PDE3A: variants seen among roughly 807,000 people sequenced by gnomAD.
The protein encoded by PDE3A is cGMP-inhibited 3',5'-cyclic phosphodiesterase 3A.
PDE3A carries 43 observed loss-of-function variants against 98.3 expected under a neutral mutation model. The observed-to-expected ratio is 0.44, with a 90% CI of 0.34 to 0.56. The LOEUF is 0.56. Ranked by LOEUF, PDE3A falls within the 20% of genes least tolerant of loss-of-function variation. The pLI, the probability that PDE3A is intolerant of heterozygous loss-of-function variation, is 0.01. For missense variants in PDE3A, 1,427 were observed against 1,440.7 expected, an observed-to-expected ratio of 0.99 and a Z score of 0.15; for synonymous variants, 663 against 567.9, an observed-to-expected ratio of 1.17 and a Z score of -2.38.
rs149346964 is a variant in PDE3A at position 20,496,632 on chromosome 12, C to T, written c.961-60028C>T. Among the ~76,000 whole-genome samples the T allele has an allele frequency of 1.2e-4, 18 of 152,146 alleles. No individual in the cohort carries two copies. The East Asian group carries it at 1.7e-3, about 15-fold the overall frequency. ...TTGGCTCTTATCAATGAGCTGTCCACGTTCCGTTGTTGGAATTCATCCAAA... is the reference window on the plus strand; with the variant it reads ...TTGGCTCTTATCAATGAGCTGTCCATGTTCCGTTGTTGGAATTCATCCAAA... On this transcript the variant is annotated intron_variant, in intron 1 of 15. Transcript: ENST00000359062.
At chr12:20,566,048 C>T (rs1242253453) in intron 2 of PDE3A, among the ~76,000 whole-genome samples, 2 of 151,864 alleles carry the variant, frequency 1.3e-5, no homozygotes, top group Non-Finnish European at 2.9e-5. Flanking sequence ...ATGTAAACAT[C>T]AGTAAACCCA....
chr12:20,479,349 C>T (rs1042295751), intron 1 of PDE3A, among the ~76,000 whole-genome samples: 3 of 152,146 alleles, frequency 2.0e-5, no homozygotes, highest in South Asian at 2.1e-4. Flanking sequence ...GTGGGTATAA[C>T]GTGATTGTAC....
chr12:20,617,216 C>T (rs190837904), intron 4 of PDE3A, among the ~76,000 whole-genome samples: 2 of 152,076 alleles, frequency 1.3e-5, no homozygotes, highest in African/African-American at 2.4e-5. Context: ...TTCTCCTGAT[C>T]GTTAGCCTGG....
rs1255866292 is a variant in PDE3A, at chr12:20,508,414, TG to T, written c.961-48245del. 5.3e-5 allele frequency among the ~76,000 whole-genome samples: 8 copies of T among 151,696 alleles called. No homozygotes were observed. The East Asian group carries it at 5.8e-4, about 11-fold the overall frequency. ...TTGAGCTCTACAATGTTACCTGGTT[TG>T]TTTTTTTTTTTTAGTTTTGTCCTCT... On this transcript the variant is annotated intron_variant, in intron 1 of 15. Coordinates refer to ENST00000359062, the MANE Select transcript of PDE3A (RefSeq NM_000921.5).
intron 1 of PDE3A, among the ~76,000 whole-genome samples, chr12:20,379,864 C>T (rs905350790): frequency 4.0e-5 from 6 of 151,610 alleles, no homozygotes; most frequent in Non-Finnish European, 8.9e-5. Flanking sequence ...GGTAGGAAAT[C>T]CCATGTTCAG....
At chr12:20,662,462 T>A (rs1399623593) in intron 15 of PDE3A, among the ~76,000 whole-genome samples, 3 of 152,148 alleles carry the variant, frequency 2.0e-5, no homozygotes, top group Non-Finnish European at 4.4e-5. Context: ...TCAAAGGAGA[T>A]CAGTTTTGAA....
chr12:20,522,306 G>A (rs1321542818), intron 1 of PDE3A, among the ~76,000 whole-genome samples: 2 of 152,286 alleles, frequency 1.3e-5, no homozygotes, highest in African/African-American at 4.8e-5. Context: ...ATTAGTATCA[G>A]TGTGCTGGGA....
chr12:20,410,366 G>T (rs1944311828), intron 1 of PDE3A, among the ~76,000 whole-genome samples: 1 of 152,186 alleles, frequency 6.6e-6, no homozygotes, highest in South Asian at 2.1e-4. Context: ...ACATGCAAAA[G>T]CTGTAGGGCT....
chr12:20,382,144 C>G (rs1429217663), intron 1 of PDE3A, among the ~76,000 whole-genome samples: 1 of 151,810 alleles, frequency 6.6e-6, no homozygotes, highest in Non-Finnish European at 1.5e-5. Context: ...CGTTTAAATA[C>G]TAGATTATAG....
At chr12:20,589,883 A>G (rs912276932) in intron 2 of PDE3A, among the ~76,000 whole-genome samples, 6 of 151,760 alleles carry the variant, frequency 4.0e-5, no homozygotes, top group Admixed American at 6.6e-5. Context: ...AAAAAAAAAA[A>G]AAAAAAGAAA....
rs140759925 is a variant in PDE3A at position 20,369,190 on chromosome 12, CGTGT to C, written c.-77_-74del. 0.3 allele frequency: 192,059 copies of C among 649,772 alleles called. 19,981 individuals are homozygous for C. The highest frequency in any genetic ancestry group is 0.47 in the African/African-American group (24,615 of 52,332). 40.3% of individuals were successfully genotyped at this position (649,772 alleles called of 1,614,324 possible). A position where few individuals can be genotyped will look rare whatever the true frequency, so the allele number is the denominator to read the frequency against. ...GGTGGAATTGGGAAGAGCGTGCGTG[CGTGT>C]GTGTGTGTGTGTGTGTGCGCGCGCG... is the stretch of plus-strand genomic sequence containing the variant. On this transcript the variant is annotated 5_prime_UTR_variant, in exon 1 of 16. Transcript: ENST00000359062.
chr12:20,474,579 G>A (rs1945496341), intron 1 of PDE3A, among the ~76,000 whole-genome samples: 1 of 152,174 alleles, frequency 6.6e-6, no homozygotes, highest in African/African-American at 2.4e-5. Context: ...TTTCAGCAGA[G>A]GCTTGCTTTC....
chr12:20,422,687 G>T (rs1468944348), intron 1 of PDE3A, among the ~76,000 whole-genome samples: 1 of 152,196 alleles, frequency 6.6e-6, no homozygotes, highest in East Asian at 1.9e-4. Context: ...TATAGACTTA[G>T]TGTATCATGT....
intron 1 of PDE3A, among the ~76,000 whole-genome samples, chr12:20,390,366 A>G (rs1943890010): frequency 6.6e-6 from 1 of 151,264 alleles, no homozygotes; most frequent in Non-Finnish European, 1.5e-5. Flanking sequence ...AATGGACACG[A>G]GGAGGCATTT....
chr12:20,369,623 G>T lies in PDE3A; in HGVS notation c.339G>T (p.Pro113=). 6.3e-7 allele frequency: 1 copy of T among 1,581,078 alleles called. No homozygotes were observed. ...CGGGAGCAGAAGGGGGCGTCTTCCCGGGGCCTCGGGGAGGTGCTCCCGGGG... is the reference window on the plus strand; with the variant it reads ...CGGGAGCAGAAGGGGGCGTCTTCCCTGGGCCTCGGGGAGGTGCTCCCGGGG... ...AAPGAEGGVF[P]GPRGGAPGGG... Residue 113 remains proline, a synonymous_variant, in exon 1 of 16, where the codon CCG becomes CCT. Transcript: ENST00000359062.
intron 1 of PDE3A, among the ~76,000 whole-genome samples, chr12:20,514,423 G>A (rs1946280343): frequency 6.6e-6 from 1 of 152,140 alleles, no homozygotes; most frequent in African/African-American, 2.4e-5. Context: ...TATATTATTT[G>A]TGTTGTGTTT....
intron 2 of PDE3A, among the ~76,000 whole-genome samples, chr12:20,608,312 TG>T (rs200866213): frequency 0.03 from 4,573 of 152,274 alleles, 106 homozygotes; most frequent in Non-Finnish European, 0.048. Flanking sequence ...GTCTGTTGAC[TG>T]TAACATAATT....
chr12:20,613,364 T>TG, intron 2 of PDE3A, 79 bp from the exon 3 acceptor site: 1 of 1,327,186 alleles, frequency 7.5e-7, no homozygotes, highest in Non-Finnish European at 1.1e-6. Context: ...CATTTCTTAG[T>TG]GAAAAAGTCC....
Position 20,525,668 on chromosome 12 carries a change from G to A in PDE3A, c.961-30992G>A, listed in dbSNP as rs186820840. 1.7e-3 allele frequency among the ~76,000 whole-genome samples: 259 copies of A among 152,214 alleles called. 4 individuals are homozygous for A. Among genetic ancestry groups the A allele is most frequent in the African/African-American group, 5.8e-3 (239 of 41,528 alleles). On this transcript the variant is annotated intron_variant, in intron 1 of 15. Transcript: ENST00000359062. ...GGATTTTGATATTCTGCTGTGTAACGTTGCTGCTGACTGAATGTCTTTGAA... is the reference window on the plus strand; with the variant it reads ...GGATTTTGATATTCTGCTGTGTAACATTGCTGCTGACTGAATGTCTTTGAA...
Sources: gnomAD v4.1 joint callset for allele counts (sites outside exome capture counted in the v4.1 genomes callset) on GRCh38, gnomAD v4.1.1 for gene constraint, MANE v1.5 for transcripts, NCBI Gene and HGNC (gene_info 2026-07-23, HGNC 2026-07-21) for gene names.